ENTREP2: variants seen among roughly 807,000 people sequenced by gnomAD.
ENTREP2 encodes the protein protein ENTREP2.
At chr15:29,571,044 A>ACCGGGCGCGAGCCGCTGCCGTCC in the ENTREP2 span, among the ~76,000 whole-genome samples, 35 of 146,220 alleles carry the variant, frequency 2.4e-4, no homozygotes, top group Admixed American at 8.8e-4. Flanking sequence ...CTGCTGCCGT[A>ACCGGGCGCGAGCCGCTGCCGTCC]CCGGGCGCGA....
chr15:29,452,913 G>A, the ENTREP2 span: 1 of 152,382 alleles, frequency 6.6e-6, no homozygotes, highest in Non-Finnish European at 1.5e-5. Flanking sequence ...GGCCGGCTGA[G>A]CGGCAGGGGA....
At chr15:29,293,475 C>G in the ENTREP2 span, among the ~76,000 whole-genome samples, 1 of 151,254 alleles carries the variant, frequency 6.6e-6, no homozygotes, top group Non-Finnish European at 1.5e-5. Flanking sequence ...CCAGGATGGT[C>G]TCGATCTCCT....
At chr15:29,231,248 C>A in the ENTREP2 span, among the ~76,000 whole-genome samples, 1 of 152,144 alleles carries the variant, frequency 6.6e-6, no homozygotes, top group East Asian at 1.9e-4. Flanking sequence ...TCTGCCAAAG[C>A]CACTCAGTAC....
At chr15:29,147,321 G>C in the ENTREP2 span, among the ~76,000 whole-genome samples, 1 of 152,220 alleles carries the variant, frequency 6.6e-6, no homozygotes, top group Non-Finnish European at 1.5e-5. Flanking sequence ...TCAGGGAAAT[G>C]CAAATCCAAA....
the ENTREP2 span, among the ~76,000 whole-genome samples, chr15:29,196,978 C>T: frequency 1.3e-5 from 2 of 152,168 alleles, no homozygotes; most frequent in African/African-American, 2.4e-5. Context: ...CAAACTCCTG[C>T]TCATCCATCA....
the ENTREP2 span, among the ~76,000 whole-genome samples, chr15:29,341,173 C>T: frequency 6.2e-4 from 95 of 152,328 alleles, 1 homozygote; most frequent in Middle Eastern, 0.02. Flanking sequence ...CCCATCACAC[C>T]TTCGTCGTTT....
the ENTREP2 span, among the ~76,000 whole-genome samples, chr15:29,494,908 G>A: frequency 4.6e-5 from 7 of 152,184 alleles, no homozygotes; most frequent in Non-Finnish European, 1.0e-4. Context: ...GTCTGGATGT[G>A]TGTTTGTATG....
chr15:29,320,584 G>T, the ENTREP2 span, among the ~76,000 whole-genome samples: 2 of 152,152 alleles, frequency 1.3e-5, no homozygotes, highest in African/African-American at 4.8e-5. Flanking sequence ...ACTAAATGGG[G>T]TATTTAAAAC....
chr15:29,599,789 T>G, the ENTREP2 span, among the ~76,000 whole-genome samples: 1 of 152,172 alleles, frequency 6.6e-6, no homozygotes, highest in Non-Finnish European at 1.5e-5. Flanking sequence ...TTCAAAAACT[T>G]CATATTAAGC....
the ENTREP2 span, among the ~76,000 whole-genome samples, chr15:29,667,458 G>A: frequency 6.7e-6 from 1 of 148,916 alleles, no homozygotes; most frequent in Admixed American, 6.7e-5. Flanking sequence ...AAAGTTCTGG[G>A]ATTACAGGCG....
At chr15:29,278,177 G>A in the ENTREP2 span, among the ~76,000 whole-genome samples, 1 of 151,710 alleles carries the variant, frequency 6.6e-6, no homozygotes, top group Non-Finnish European at 1.5e-5. Context: ...ATGCTTCCAG[G>A]ACTGGAGGGT....
chr15:29,463,671 T>C, the ENTREP2 span, among the ~76,000 whole-genome samples: 1 of 152,038 alleles, frequency 6.6e-6, no homozygotes, highest in Non-Finnish European at 1.5e-5. Context: ...AAATAAGAAA[T>C]GATTTCCATG....
chr15:29,234,036 T>G, the ENTREP2 span: 2 of 1,463,456 alleles, frequency 1.4e-6, no homozygotes, highest in Non-Finnish European at 1.9e-6. Flanking sequence ...GGTCAAGATC[T>G]TCCTCATCCT....
chr15:29,288,227 A>G, the ENTREP2 span, among the ~76,000 whole-genome samples: 14 of 152,232 alleles, frequency 9.2e-5, no homozygotes, highest in Admixed American at 9.2e-4. Flanking sequence ...AGCCTCTGAA[A>G]GCAAGAAACA....
the ENTREP2 span, among the ~76,000 whole-genome samples, chr15:29,319,863 G>A: frequency 0.04 from 6,165 of 152,272 alleles, 402 homozygotes; most frequent in African/African-American, 0.14. Flanking sequence ...CTCCAAGTGA[G>A]ACTGCTGGGG....
the ENTREP2 span, among the ~76,000 whole-genome samples, chr15:29,142,444 G>A: frequency 2.2e-4 from 34 of 152,218 alleles, no homozygotes; most frequent in African/African-American, 8.0e-4. Flanking sequence ...CAATTCTGTG[G>A]AGCCCAGGCC....
chr15:29,481,558 C>G, the ENTREP2 span, among the ~76,000 whole-genome samples: 1 of 152,172 alleles, frequency 6.6e-6, no homozygotes, highest in East Asian at 1.9e-4. Context: ...CTCTGCAACT[C>G]CACTACACCT....
the ENTREP2 span, chr15:29,381,851 A>G: frequency 5.2e-6 from 8 of 1,551,078 alleles, no homozygotes; most frequent in African/African-American, 9.6e-5. Context: ...CAAAAGATAC[A>G]GGAAGGTGAG....
the ENTREP2 span, among the ~76,000 whole-genome samples, chr15:29,167,217 TA>T: frequency 6.6e-6 from 1 of 152,196 alleles, no homozygotes; most frequent in African/African-American, 2.4e-5. Flanking sequence ...ATAAAAATTC[TA>T]GAAGATAACA....
Sources: gnomAD v4.1 joint callset for allele counts (sites outside exome capture counted in the v4.1 genomes callset) on GRCh38, gnomAD v4.1.1 for gene constraint, MANE v1.5 for transcripts, NCBI Gene and HGNC (gene_info 2026-07-23, HGNC 2026-07-21) for gene names.